Variants in PELI2 observed in about 807,000 individuals in gnomAD.
PELI2 encodes pellino E3 ubiquitin protein ligase family member 2.
PELI2 carries 23 observed loss-of-function variants against 42.3 expected under a neutral mutation model. The observed-to-expected ratio is 0.54, with a 90% CI of 0.39 to 0.77. The LOEUF (loss-of-function observed/expected upper bound fraction) is 0.77, where lower values mean the gene tolerates loss of function less well. Ranked by LOEUF, PELI2 falls within the 30% of genes least tolerant of loss-of-function variation. PELI2 has a pLI of 0.00. For synonymous variants in PELI2, 245 were observed against 212.2 expected, an observed-to-expected ratio of 1.15 and a Z score of -1.34; for missense variants, 463 against 553.2, an observed-to-expected ratio of 0.84 and a Z score of 1.64.
At chr14:56,231,239 A>G (rs1339201887) in intron 2 of PELI2, among the ~76,000 whole-genome samples, 5 of 152,206 alleles carry the variant, frequency 3.3e-5, no homozygotes, top group African/African-American at 1.2e-4. Flanking sequence ...ACTTGAACTC[A>G]GCCCTGCACC....
chr14:56,135,125 A>T (rs1883639627), intron 1 of PELI2, among the ~76,000 whole-genome samples: 1 of 152,186 alleles, frequency 6.6e-6, no homozygotes, highest in African/African-American at 2.4e-5. Flanking sequence ...CTGCAACCCC[A>T]GAGCTGTAGT....
chr14:56,158,783 A>G lies in PELI2; in HGVS notation c.78-19552A>G, dbSNP rs374171960. Among the ~76,000 whole-genome samples, 7 of 152,230 alleles carry G rather than the reference A, an allele frequency of 4.6e-5. 1 individual carries two copies. In the South Asian group the frequency reaches 1.4e-3, roughly 31 times the overall value. ...TTGTATCTAAAATTGATCATTAGAGATTAAGATATTTGTGCACACACATTA... is the reference window on the plus strand; with the variant it reads ...TTGTATCTAAAATTGATCATTAGAGGTTAAGATATTTGTGCACACACATTA... On this transcript the variant is annotated intron_variant, in intron 1 of 5. Transcript: ENST00000267460.
chr14:56,118,696 C>T lies in PELI2; in HGVS notation c.36C>T (p.Pro12=), dbSNP rs747360305. ...FSPGQEEHCA[P]NKEPVKYGEL... is the part of the protein sequence containing the mutation. ...CTGGCCAGGAGGAACACTGCGCCCC[C>T]AATAAGGAGCCAGTGAAATACGGGG... Residue 12 remains proline, a synonymous_variant, in exon 1 of 6, where the codon CCC becomes CCT. Transcript: ENST00000267460. 1 of 1,525,760 alleles carries T rather than the reference C, an allele frequency of 6.6e-7. No individual in the cohort carries two copies. The highest frequency in any genetic ancestry group is 2.0e-5 in the Admixed American group (1 of 49,582). The allele number at this position is 1,525,760 out of a possible 1,614,324, so 94.5% of individuals were successfully genotyped here.
intron 1 of PELI2, among the ~76,000 whole-genome samples, chr14:56,172,295 T>C (rs1242843272): frequency 6.6e-6 from 1 of 152,146 alleles, no homozygotes; most frequent in Non-Finnish European, 1.5e-5. Flanking sequence ...AAGGGTGGGC[T>C]CTGCTGGGAC....
At chr14:56,254,300 G>T (rs900018587) in intron 2 of PELI2, among the ~76,000 whole-genome samples, 1 of 152,022 alleles carries the variant, frequency 6.6e-6, no homozygotes, top group Non-Finnish European at 1.5e-5. Context: ...TCGGAAGGCT[G>T]GGGCAGGAGA....
At chr14:56,133,805 T>C (rs1446584902) in intron 1 of PELI2, among the ~76,000 whole-genome samples, 9 of 152,090 alleles carry the variant, frequency 5.9e-5, no homozygotes, top group Admixed American at 5.9e-4. Flanking sequence ...GTCCCCTCCT[T>C]CAAGCACCAC....
rs377499976 is a variant in PELI2, at chr14:56,215,478, G to C, written c.207+37014G>C. Among the ~76,000 whole-genome samples the C allele has an allele frequency of 9.2e-5, 14 of 152,264 alleles. No homozygotes were observed. In the South Asian group the frequency reaches 2.7e-3, roughly 29 times the overall value. ...AGGTAGGTAGAAGGAAATAATACTT[G>C]TCTTTTAGATTTAGGACTTACTTAT... On this transcript the variant is annotated intron_variant, in intron 2 of 5. Transcript: ENST00000267460.
At chr14:56,185,329 G>T (rs1311443283) in intron 2 of PELI2, among the ~76,000 whole-genome samples, 2 of 152,108 alleles carry the variant, frequency 1.3e-5, no homozygotes, top group Non-Finnish European at 2.9e-5. Context: ...ATAGTAATTT[G>T]TGAGCTGTTC....
chr14:56,244,828 G>T (rs1888095230), intron 2 of PELI2, among the ~76,000 whole-genome samples: 1 of 152,212 alleles, frequency 6.6e-6, no homozygotes, highest in African/African-American at 2.4e-5. Flanking sequence ...GTGATAATCA[G>T]TTGGCTTAGA....
Position 56,118,802 on chromosome 14 carries a change from G to C in PELI2, c.77+65G>C, listed in dbSNP as rs569939844. 234 of 1,159,248 alleles carry C rather than the reference G, an allele frequency of 2.0e-4. 1 individual carries two copies. The African/African-American group carries it at 3.4e-3, about 17-fold the overall frequency. The allele number at this position is 1,159,248 out of a possible 1,614,324, so 71.8% of individuals were successfully genotyped here. The stretch of plus-strand genomic sequence containing the variant: ...CGGGGAGCGCCCGCATCCTGGAGCG[G>C]GGCTGGCGGGGTGGCTCGGTGCTCT... On this transcript the variant is annotated intron_variant, in intron 1 of 5. Coordinates refer to ENST00000267460, the MANE Select transcript of PELI2 (RefSeq NM_021255.3).
At chr14:56,290,928 T>C (rs1889807286) in intron 5 of PELI2, among the ~76,000 whole-genome samples, 1 of 152,254 alleles carries the variant, frequency 6.6e-6, no homozygotes, top group Non-Finnish European at 1.5e-5. Context: ...CAGAATTCTC[T>C]ATACTGTCCA....
In PELI2 at chr14:56,290,415, ACCT is replaced by A; in HGVS notation, c.656_658del (p.Thr219_Leu220delinsMet). 6.2e-7 allele frequency: 1 copy of A among 1,610,036 alleles called. No homozygotes were observed. Among genetic ancestry groups the A allele is most frequent in the Non-Finnish European group, 8.5e-7 (1 of 1,177,216 alleles). On this transcript the variant is annotated inframe_deletion, in exon 5 of 6. Coordinates refer to ENST00000267460, the MANE Select transcript of PELI2 (RefSeq NM_021255.3). The stretch of plus-strand genomic sequence containing the variant: ...GATCTCTGTCTGTGGAGATGTGTAC[ACCT>A]TGCGAGAAACCAGGTCGGCCCAGCA...
intron 2 of PELI2, among the ~76,000 whole-genome samples, chr14:56,208,889 A>G (rs1208797221): frequency 6.6e-6 from 1 of 152,236 alleles, no homozygotes; most frequent in Non-Finnish European, 1.5e-5. Flanking sequence ...ACCATTTTCT[A>G]TAGGGAAATT....
At chr14:56,195,517 A>G (rs1886099896) in intron 2 of PELI2, among the ~76,000 whole-genome samples, 1 of 152,202 alleles carries the variant, frequency 6.6e-6, no homozygotes, top group South Asian at 2.1e-4. Context: ...TGGGCCTTTT[A>G]ATGGCCGTAA....
At position 56,221,708 on chromosome 14, in the gene PELI2, C is replaced by T. The variant is rs187783002; in HGVS notation, c.207+43244C>T. 8.5e-5 allele frequency among the ~76,000 whole-genome samples: 13 copies of T among 152,296 alleles called. No homozygotes were observed. In the South Asian group the frequency reaches 1.7e-3, roughly 19 times the overall value. On this transcript the variant is annotated intron_variant, in intron 2 of 5. Coordinates refer to ENST00000267460, the MANE Select transcript of PELI2 (RefSeq NM_021255.3). ...GAAACCTTCAGCTGTCTGAAACCAT[C>T]GGTGAATGGGTGATTCTATAGAGAA...
At chr14:56,272,704 TCA>T (rs973873796) in intron 2 of PELI2, among the ~76,000 whole-genome samples, 24 of 152,358 alleles carry the variant, frequency 1.6e-4, no homozygotes, top group African/African-American at 5.1e-4. Context: ...TCTTCACATC[TCA>T]GTCTTCTAAC....
intron 1 of PELI2, among the ~76,000 whole-genome samples, chr14:56,159,214 TGGGCTGGTTGAGGA>T (rs1252572794): frequency 1.3e-5 from 2 of 152,204 alleles, no homozygotes; most frequent in Admixed American, 6.5e-5. Context: ...CTCGACTCCG[TGGGCTGGTTGAGGA>T]GGCACTGCTT....
intron 2 of PELI2, among the ~76,000 whole-genome samples, chr14:56,258,836 T>A (rs1329011243): frequency 6.6e-6 from 1 of 151,908 alleles, no homozygotes; most frequent in Admixed American, 6.6e-5. Context: ...ATGATGAAAA[T>A]GATAAAAGTC....
intron 2 of PELI2, among the ~76,000 whole-genome samples, chr14:56,232,239 A>G (rs1302325630): frequency 6.6e-6 from 1 of 152,132 alleles, no homozygotes; most frequent in Non-Finnish European, 1.5e-5. Context: ...AAAAGAGGGA[A>G]TCCTCCCTAA....
Sources: allele counts gnomAD v4.1 joint callset (sites outside exome capture counted in the v4.1 genomes callset), GRCh38; gene constraint gnomAD v4.1.1; transcripts MANE v1.5; gene names NCBI Gene and HGNC (gene_info 2026-07-23, HGNC 2026-07-21).